Variants in AGPAT3 observed in about 807,000 individuals in gnomAD.
AGPAT3 encodes 1-acylglycerol-3-phosphate O-acyltransferase 3.
In AGPAT3, 5 loss-of-function variants were observed where a neutral mutation model predicts 47.3. That is an observed-to-expected ratio of 0.11 (90% CI 0.06 to 0.22). The LOEUF is 0.22. Among genes scored for constraint, AGPAT3 ranks in the 10% least tolerant of loss-of-function variants. The probability of loss-of-function intolerance (pLI) is 1.00; values close to 1 mark genes in which losing one functional copy is unlikely to be tolerated. For missense variants in AGPAT3, 315 were observed against 493.0 expected (o/e 0.64, Z 3.42); for synonymous variants, 212 against 208.3 (o/e 1.02, Z -0.15).
At chr21:43,894,860 TG>T (rs1305723047) in intron 1 of AGPAT3, among the ~76,000 whole-genome samples, 2 of 152,208 alleles carry the variant, frequency 1.3e-5, no homozygotes, top group African/African-American at 4.8e-5. Context: ...CCTGAAGCAC[TG>T]GACTCTGTTC....
intron 3 of AGPAT3, among the ~76,000 whole-genome samples, chr21:43,963,777 G>A (rs568957536): frequency 3.0e-4 from 46 of 151,248 alleles, no homozygotes; most frequent in African/African-American, 7.5e-4. Flanking sequence ...GGAGAACCAC[G>A]CTGGATGGTC....
At chr21:43,917,951 TTGTAGGGGG>T (rs2086783632) in intron 2 of AGPAT3, among the ~76,000 whole-genome samples, 1 of 48,322 alleles carries the variant, frequency 2.1e-5, no homozygotes, top group Non-Finnish European at 3.7e-5. Context: ...GTTGTGGGGG[TTGTAGGGGG>T]TGTGGGTGTT....
chr21:43,908,419 A>G lies in AGPAT3; in HGVS notation c.-49+4400A>G, dbSNP rs2086553620. ...AGGAGGTGTCCCGATCAGGGGGAGC[A>G]CATGGGCTGGGAACTTGTGGAACCC... On this transcript the variant is annotated intron_variant, in intron 2 of 9. Coordinates refer to ENST00000291572, the MANE Select transcript of AGPAT3 (RefSeq NM_020132.5). This position sits in a 1 kb window ranked among gnomAD's most constrained non-coding sequence, Gnocchi z 4.9. Among the ~76,000 whole-genome samples, 1 of 152,212 alleles carries G rather than the reference A, an allele frequency of 6.6e-6. No individual in the cohort carries two copies. The highest frequency in any genetic ancestry group is 1.5e-5 in the Non-Finnish European group (1 of 68,044).
intron 2 of AGPAT3, among the ~76,000 whole-genome samples, chr21:43,957,845 G>T (rs1356006754): frequency 2.6e-5 from 4 of 152,248 alleles, no homozygotes; most frequent in African/African-American, 9.6e-5. Flanking sequence ...CCACACGGGG[G>T]TTGTAGGGCC....
At position 43,968,128 on chromosome 21, in the gene AGPAT3, C is replaced by G; in HGVS notation, c.348+13C>G. The G allele has an allele frequency of 6.6e-7, 1 of 1,515,942 alleles. No homozygotes were observed. The highest frequency in any genetic ancestry group is 1.1e-5 in the South Asian group (1 of 89,548). The allele number at this position is 1,515,942 out of a possible 1,614,324, so 93.9% of individuals were successfully genotyped here. ...CGGAGTGCTGGGGGTGAGCGGGGAC[C>G]TGGGGAGGGCCACGGGTGAGCAGGA... On this transcript the variant is annotated intron_variant, in intron 4 of 9. Coordinates refer to ENST00000291572, the MANE Select transcript of AGPAT3 (RefSeq NM_020132.5).
At chr21:43,940,887 C>T (rs1010479792) in intron 2 of AGPAT3, among the ~76,000 whole-genome samples, 7 of 152,244 alleles carry the variant, frequency 4.6e-5, no homozygotes, top group Admixed American at 3.3e-4. Flanking sequence ...TCACAGATCA[C>T]GCTGGCCTAG....
intron 2 of AGPAT3, among the ~76,000 whole-genome samples, chr21:43,951,388 A>G (rs1460365681): frequency 6.6e-6 from 1 of 152,158 alleles, no homozygotes; most frequent in Admixed American, 6.5e-5. Flanking sequence ...GCATCCTGAA[A>G]TGTCTTTCTC....
At chr21:43,900,619 G>A (rs899697343) in intron 1 of AGPAT3, among the ~76,000 whole-genome samples, 3 of 152,130 alleles carry the variant, frequency 2.0e-5, no homozygotes, top group Non-Finnish European at 4.4e-5. Flanking sequence ...GCTGAGGAGG[G>A]GCCTTCCAGT....
chr21:43,906,662 C>G (rs2086503728), intron 2 of AGPAT3, among the ~76,000 whole-genome samples: 1 of 152,208 alleles, frequency 6.6e-6, no homozygotes, highest in Admixed American at 6.5e-5. Context: ...CGGAGCAAAC[C>G]CATGGCTTGT....
In AGPAT3 at chr21:43,981,144, A is replaced by G; in HGVS notation, c.999A>G (p.Gly333=). The G allele has an allele frequency of 6.2e-7, 1 of 1,614,034 alleles. No individual in the cohort carries two copies. Among genetic ancestry groups the G allele is most frequent in the East Asian group, 2.2e-5 (1 of 44,864 alleles). The change falls in exon 9 of 10, where the codon GGA becomes GGG. Residue 333 remains glycine (G), a synonymous_variant. Coordinates refer to ENST00000291572, the MANE Select transcript of AGPAT3 (RefSeq NM_020132.5). The surrounding 1 kb of genome is among the most constrained non-coding windows in gnomAD (Gnocchi z 5.3). ...TTGTCTTGGGCGTCTTTGCCAGCGG[A>G]TCACCTCTCCTGATCCTGACTTTCT... ...FSFVLGVFAS[G]SPLLILTFLG...
rs1382032094 is a variant in AGPAT3 at position 43,933,474 on chromosome 21, A to T, written c.-48-26160A>T. 6.6e-6 allele frequency among the ~76,000 whole-genome samples: 1 copy of T among 151,988 alleles called. No homozygotes were observed. Among genetic ancestry groups the T allele is most frequent in the South Asian group, 2.1e-4 (1 of 4,798 alleles). ...TTTTCTCCATGGGGAAAGGTTTGGGAATATCGATGATGTCATCATACTCCT... is the reference window on the plus strand; with the variant it reads ...TTTTCTCCATGGGGAAAGGTTTGGGTATATCGATGATGTCATCATACTCCT... On this transcript the variant is annotated intron_variant, in intron 2 of 9. Coordinates refer to ENST00000291572, the MANE Select transcript of AGPAT3 (RefSeq NM_020132.5). This position sits in a 1 kb window ranked among gnomAD's most constrained non-coding sequence, Gnocchi z 6.0.
In AGPAT3 at chr21:43,959,614, C is replaced by T. The variant is rs1295875874; in HGVS notation, c.-48-20C>T. On this transcript the variant is annotated intron_variant, in intron 2 of 9. Transcript: ENST00000291572. ...GTGGGCGTGGCCACCCTGACGCTGT[C>T]CCTGTCCCTGTCTTTGCAGGACGGC... 1.9e-6 allele frequency: 3 copies of T among 1,600,234 alleles called. No homozygotes were observed. In the African/African-American group the frequency reaches 4.0e-5, roughly 21 times the overall value.
At chr21:43,927,395 T>A (rs1404901825) in intron 2 of AGPAT3, among the ~76,000 whole-genome samples, 1 of 152,204 alleles carries the variant, frequency 6.6e-6, no homozygotes, top group Non-Finnish European at 1.5e-5. Context: ...TGGGTGGGTC[T>A]GTCTCCCCCA....
intron 2 of AGPAT3, among the ~76,000 whole-genome samples, chr21:43,931,836 G>A (rs1421113564): frequency 6.6e-6 from 1 of 152,122 alleles, no homozygotes; most frequent in African/African-American, 2.4e-5. Context: ...TTGCTGTAAA[G>A]AGCATGATGA....
chr21:43,894,460 G>A (rs942458175), intron 1 of AGPAT3, among the ~76,000 whole-genome samples: 9 of 151,406 alleles, frequency 5.9e-5, no homozygotes, highest in African/African-American at 1.9e-4. Flanking sequence ...CACCCATTTC[G>A]AGGGGATAAG....
intron 2 of AGPAT3, among the ~76,000 whole-genome samples, chr21:43,948,900 C>G (rs529910294): frequency 2.7e-4 from 41 of 152,176 alleles, no homozygotes; most frequent in Admixed American, 9.2e-4. Context: ...ACACCCTGCT[C>G]CAGGTGCTGA....
chr21:43,929,903 A>G (rs2070547), intron 2 of AGPAT3, among the ~76,000 whole-genome samples: 116,070 of 152,178 alleles, frequency 0.76, 44,354 homozygotes, highest in Admixed American at 0.84. Context: ...TGGCGCTCCC[A>G]GCGAGCTCAC....
rs756274776 is a variant in AGPAT3 at position 43,981,020 on chromosome 21, G to C, written c.875G>C (p.Gly292Ala). 2 of 1,614,148 alleles carry C rather than the reference G, an allele frequency of 1.2e-6. No homozygotes were observed. The highest frequency in any genetic ancestry group is 1.7e-6 in the Non-Finnish European group (2 of 1,180,024). ...DALQEIYNQK[G>A]MFPGEQFKPA... ...CTCCAGGAGATATATAATCAGAAGG[G>C]CATGTTTCCAGGGGAGCAGTTTAAG... The change falls in exon 9 of 10, where the codon GGC (glycine) becomes GCC (alanine). Residue 292 changes from glycine (G) to alanine (A), a missense_variant. By Grantham distance (60) the Gly-to-Ala change is moderately conservative. Transcript: ENST00000291572. This position sits in a 1 kb window ranked among gnomAD's most constrained non-coding sequence, Gnocchi z 5.3.
chr21:43,911,100 C>A (rs1402530459), intron 2 of AGPAT3, among the ~76,000 whole-genome samples: 1 of 152,200 alleles, frequency 6.6e-6, no homozygotes, highest in African/African-American at 2.4e-5. Flanking sequence ...CATACACCGA[C>A]AGAGTTTCCA....
Sources: allele counts gnomAD v4.1 joint callset (sites outside exome capture counted in the v4.1 genomes callset), GRCh38; gene constraint gnomAD v4.1.1; non-coding constraint Gnocchi (gnomAD v3.1); transcripts MANE v1.5; gene names NCBI Gene and HGNC (gene_info 2026-07-23, HGNC 2026-07-21).